The following EPG5 variants were observed in gnomAD, a reference collection of about 807,000 sequenced individuals.
The protein encoded by EPG5 is ectopic P-granules 5 autophagy tethering factor, also known as ectopic P granules protein 5 homolog.
Under a neutral mutation model 302.7 loss-of-function variants are expected in EPG5, and 159 were observed. The observed-to-expected ratio is 0.53, with a 90% confidence interval of 0.46 to 0.60. EPG5 has a LOEUF of 0.60. EPG5 is among the 20% of genes least tolerant of loss of function. EPG5 has a pLI of 0.00. For synonymous variants in EPG5, 1,158 were observed against 1,136.8 expected, an observed-to-expected ratio of 1.02 and a Z score of -0.37; for missense variants, 2,896 against 3,092.4, an observed-to-expected ratio of 0.94 and a Z score of 1.51.
intron 16 of EPG5, among the ~76,000 whole-genome samples, chr18:45,919,518 T>TG (rs1295478739): frequency 2.6e-5 from 4 of 151,508 alleles, no homozygotes; most frequent in African/African-American, 9.7e-5. Context: ...TGTGTGGTTT[T>TG]TTTTTTTTTT....
chr18:45,871,263 G>A (rs931872914), intron 35 of EPG5, among the ~76,000 whole-genome samples: 5 of 152,176 alleles, frequency 3.3e-5, no homozygotes, highest in Non-Finnish European at 5.9e-5. Flanking sequence ...AGCTGTTATC[G>A]AAAAGATGAA....
chr18:45,940,700 T>C (rs1224535796), intron 9 of EPG5, among the ~76,000 whole-genome samples: 1 of 151,776 alleles, frequency 6.6e-6, no homozygotes, highest in East Asian at 1.9e-4. Flanking sequence ...TAGTGGCATA[T>C]AAAATGTATC....
chr18:45,845,238 T>TG, downstream of EPG5, among the ~76,000 whole-genome samples: 1 of 152,324 alleles, frequency 6.6e-6, no homozygotes, highest in South Asian at 2.1e-4. Context: ...GAGGGCTTCT[T>TG]GGGACTGGAA....
intron 1 of EPG5, among the ~76,000 whole-genome samples, chr18:45,957,458 C>T (rs1384244921): frequency 6.6e-6 from 1 of 152,162 alleles, no homozygotes; most frequent in Non-Finnish European, 1.5e-5. Context: ...CAAGCCCAAA[C>T]TATGCTGCAA....
intron 42 of EPG5, among the ~76,000 whole-genome samples, chr18:45,856,429 G>C (rs1380726707): frequency 6.6e-6 from 1 of 152,184 alleles, no homozygotes; most frequent in African/African-American, 2.4e-5. Context: ...AATGAGTGTA[G>C]GGCTTCCTTT....
At chr18:45,936,915 G>C (rs9957288) in intron 10 of EPG5, among the ~76,000 whole-genome samples, 24,058 of 151,630 alleles carry the variant, frequency 0.16, 2,761 homozygotes, top group East Asian at 0.29. Flanking sequence ...AAAATGAATA[G>C]TGCATGCCTA....
At chr18:45,880,664 A>G (rs917937795) in intron 31 of EPG5, among the ~76,000 whole-genome samples, 2 of 152,174 alleles carry the variant, frequency 1.3e-5, no homozygotes, top group African/African-American at 4.8e-5. Context: ...CGGCCCCCCA[A>G]TTCCCCGAAA....
chr18:45,840,158 G>A, the EPG5 span: 1,159 of 1,604,694 alleles, frequency 7.2e-4, 11 homozygotes, highest in African/African-American at 0.014. Flanking sequence ...GGGCGCACAG[G>A]CTGCAGACTG....
chr18:45,902,995 T>C (rs943055017), intron 25 of EPG5, among the ~76,000 whole-genome samples: 2 of 152,224 alleles, frequency 1.3e-5, no homozygotes, highest in African/African-American at 4.8e-5. Context: ...CATAAATTAC[T>C]AGCTTAACTC....
chr18:45,808,157 A>G, the EPG5 span, among the ~76,000 whole-genome samples: 1 of 152,220 alleles, frequency 6.6e-6, no homozygotes, highest in Non-Finnish European at 1.5e-5. Flanking sequence ...AGGTCTTCAA[A>G]TTAACCCAGT....
chr18:45,876,186 G>A (rs760056859), intron 35 of EPG5, 50 bp downstream of exon 35: 1 of 1,294,308 alleles, frequency 7.7e-7, no homozygotes, highest in Admixed American at 1.7e-5. Flanking sequence ...AAGACTGACT[G>A]ACTTAGGGAA....
rs750338256 is a variant in EPG5 at position 45,866,885 on chromosome 18, C to T, written c.6534G>A (p.Leu2178=). The change falls in exon 38 of 44, where the codon CTG becomes CTA. Residue 2178 remains leucine, a synonymous_variant. Transcript: ENST00000282041. ...TTAATTCAGCATAAGATTCTTTTGCCAGGATGATGGACGGCGGGTAATGGC... is the reference window on the plus strand; with the variant it reads ...TTAATTCAGCATAAGATTCTTTTGCTAGGATGATGGACGGCGGGTAATGGC... ...FSSHYPPSII[L]AKESYAELIM... 6.2e-7 allele frequency: 1 copy of T among 1,614,134 alleles called. No individual in the cohort carries two copies. The highest frequency in any genetic ancestry group is 2.2e-5 in the East Asian group (1 of 44,884).
chr18:45,889,397 G>A (rs2049290332), intron 28 of EPG5, among the ~76,000 whole-genome samples: 1 of 152,090 alleles, frequency 6.6e-6, no homozygotes, highest in South Asian at 2.1e-4. Flanking sequence ...TAAGTTCCTG[G>A]GTAAATGTGA....
intron 27 of EPG5, among the ~76,000 whole-genome samples, chr18:45,896,004 T>C (rs1254325418): frequency 6.6e-6 from 1 of 152,218 alleles, no homozygotes; most frequent in Non-Finnish European, 1.5e-5. Context: ...CATAGATAAT[T>C]CCCCAACTTC....
intron 42 of EPG5, among the ~76,000 whole-genome samples, chr18:45,856,476 GA>G (rs2048518273): frequency 6.6e-6 from 1 of 152,184 alleles, no homozygotes; most frequent in Non-Finnish European, 1.5e-5. Context: ...AGATTGTGGT[GA>G]TGGCTACAAC....
rs553720720 is a variant in EPG5, at chr18:45,967,275, T to A, written c.-36A>T. The A allele has an allele frequency of 4.6e-5, 72 of 1,551,452 alleles. No individual in the cohort carries two copies. The East Asian group carries it at 8.4e-4, about 18-fold the overall frequency. On this transcript the variant is annotated 5_prime_UTR_variant, in exon 1 of 44. Coordinates refer to ENST00000282041, the MANE Select transcript of EPG5 (RefSeq NM_020964.3). ...GCGGCGCCGTCACCGTTTGTTTTTG[T>A]CAAACCCCTGCGCTTCAAGCAACCT...
At position 45,954,429 on chromosome 18, in the gene EPG5, G is replaced by A; in HGVS notation, c.973C>T (p.Leu325=). The A allele has an allele frequency of 6.2e-7, 1 of 1,613,288 alleles. No homozygotes were observed. The highest frequency in any genetic ancestry group is 1.3e-5 in the African/African-American group (1 of 75,028). Residue 325 remains leucine, a synonymous_variant, in exon 2 of 44, where the codon CTG becomes TTG. Transcript: ENST00000282041. ...ATTTGTTCCTCCTTAAACTGCCACA[G>A]CCGACTTTTAGCATTTTGGCAATCA... The part of the protein sequence containing the change: ...TSDCQNAKSR[L]WQFKEEQMSV...
intron 5 of EPG5, 37 bp from the exon 6 acceptor site, chr18:45,948,613 C>A: frequency 6.6e-7 from 1 of 1,519,056 alleles, no homozygotes; most frequent in Non-Finnish European, 9.1e-7. Context: ...CTGTAGAAAA[C>A]AAATAACCCA....
intron 35 of EPG5, among the ~76,000 whole-genome samples, chr18:45,872,711 A>T (rs2048896967): frequency 6.6e-6 from 1 of 152,168 alleles, no homozygotes; most frequent in Admixed American, 6.5e-5. Context: ...GTCCAAAAAA[A>T]AAGCCAATGA....
Sources: gnomAD v4.1 joint callset for allele counts (sites outside exome capture counted in the v4.1 genomes callset) on GRCh38, gnomAD v4.1.1 for gene constraint, MANE v1.5 for transcripts, NCBI Gene and HGNC (gene_info 2026-07-23, HGNC 2026-07-21) for gene names.